PACS1: variants seen among roughly 807,000 people sequenced by gnomAD.
PACS1 encodes the protein PACS-1.
Under a neutral mutation model 115.0 loss-of-function variants are expected in PACS1, and 24 were observed. The ratio of observed to expected loss-of-function variants is 0.21; its 90% CI spans 0.15 to 0.29. The LOEUF is 0.29. PACS1 is among the 10% of genes least tolerant of loss of function. The pLI is 1.00. For synonymous variants in PACS1, 453 were observed against 504.5 expected, an observed-to-expected ratio of 0.90 and a Z score of 1.37; for missense variants, 838 against 1,251.2, an observed-to-expected ratio of 0.67 and a Z score of 4.98.
At chr11:66,229,010 A>G (rs1855524357) in intron 11 of PACS1, among the ~76,000 whole-genome samples, 1 of 151,858 alleles carries the variant, frequency 6.6e-6, no homozygotes, top group Admixed American at 6.6e-5. Flanking sequence ...GGGCCCAGGG[A>G]GGAGGCACGG....
Position 66,070,936 on chromosome 11 carries a change from T to C in PACS1, c.356+94T>C, listed in dbSNP as rs1332612000. 1.3e-5 allele frequency: 16 copies of C among 1,208,472 alleles called. No homozygotes were observed. The highest frequency in any genetic ancestry group is 1.7e-5 in the Non-Finnish European group (16 of 933,898). The allele number at this position is 1,208,472 out of a possible 1,614,324, so 74.9% of individuals were successfully genotyped here. A position where few individuals can be genotyped will look rare whatever the true frequency, so the allele number is the denominator to read the frequency against. The stretch of plus-strand genomic sequence containing the variant: ...CCCAGCGCCCATGGGGTCCCCGCCC[T>C]CCATCTCCCCGACTGTCCCGCGGCC... On this transcript the variant is annotated intron_variant, in intron 1 of 23. Coordinates refer to ENST00000320580, the MANE Select transcript of PACS1 (RefSeq NM_018026.4). The surrounding 1 kb of genome is among the most constrained non-coding windows in gnomAD (Gnocchi z 5.9).
intron 1 of PACS1, chr11:66,121,154 A>AT: frequency 9.1e-6 from 4 of 440,586 alleles, no homozygotes; most frequent in Non-Finnish European, 1.8e-5. Context: ...AGTATTTAAA[A>AT]TTTTTTTATT....
At chr11:66,112,864 C>T (rs1858219852) in intron 1 of PACS1, among the ~76,000 whole-genome samples, 1 of 152,174 alleles carries the variant, frequency 6.6e-6, no homozygotes, top group South Asian at 2.1e-4. Context: ...TAAACTGTGG[C>T]TATGATTTGG....
chr11:66,230,160 A>C (rs1457851972), intron 11 of PACS1, among the ~76,000 whole-genome samples: 5 of 151,608 alleles, frequency 3.3e-5, no homozygotes, highest in Non-Finnish European at 7.4e-5. Flanking sequence ...AAAAGAAAAA[A>C]AAAAAAGGAA....
chr11:66,218,860 A>G (rs1046617478), intron 7 of PACS1, among the ~76,000 whole-genome samples: 1 of 84,570 alleles, frequency 1.2e-5, no homozygotes, highest in African/African-American at 3.1e-5. Flanking sequence ...CTCCATCTCT[A>G]AAAAAAAAAA....
intron 1 of PACS1, among the ~76,000 whole-genome samples, chr11:66,149,090 C>CTTTTTT (rs10717909): frequency 1.0e-5 from 1 of 98,136 alleles, no homozygotes; most frequent in Non-Finnish European, 2.0e-5. Flanking sequence ...TGCACACGCA[C>CTTTTTT]TTTTTTTTTT....
chr11:66,113,171 G>A (rs1858225213), intron 1 of PACS1, among the ~76,000 whole-genome samples: 1 of 152,154 alleles, frequency 6.6e-6, no homozygotes, highest in Admixed American at 6.5e-5. Context: ...AATTAAATCA[G>A]TCCACTTTAT....
At chr11:66,215,304 T>C (rs564219908) in intron 4 of PACS1, among the ~76,000 whole-genome samples, 1 of 151,766 alleles carries the variant, frequency 6.6e-6, no homozygotes, top group Non-Finnish European at 1.5e-5. Flanking sequence ...GGGGATAATT[T>C]TAAAGTTAAG....
chr11:66,237,907 C>T (rs1028300453), intron 19 of PACS1, among the ~76,000 whole-genome samples: 3 of 152,146 alleles, frequency 2.0e-5, no homozygotes, highest in Admixed American at 6.5e-5. Context: ...GCCTTGCTGT[C>T]GCGGCAGCCT....
intron 1 of PACS1, among the ~76,000 whole-genome samples, chr11:66,103,716 G>A (rs533051750): frequency 6.6e-6 from 1 of 152,088 alleles, no homozygotes; most frequent in East Asian, 1.9e-4. Flanking sequence ...GTTTCACCAT[G>A]TTGGCCAGGC....
Position 66,070,825 on chromosome 11 carries a change from G to T in PACS1, c.339G>T (p.Ser113=), listed in dbSNP as rs1165350390. Residue 113 remains serine, a synonymous_variant, in exon 1 of 24, where the codon TCG becomes TCT. Coordinates refer to ENST00000320580, the MANE Select transcript of PACS1 (RefSeq NM_018026.4). This position sits in a 1 kb window ranked among gnomAD's most constrained non-coding sequence, Gnocchi z 5.9. ...LYATWEVDRS[S]SSCVPRLFSL... ...CCACCTGGGAGGTGGACCGGAGCTC[G>T]TCCAGCTGCGTGCCTAGGTGAGCGC... The T allele has an allele frequency of 1.3e-6, 2 of 1,493,812 alleles. No individual in the cohort carries two copies. Among genetic ancestry groups the T allele is most frequent in the Admixed American group, 4.4e-5 (2 of 45,626 alleles). The allele number at this position is 1,493,812 out of a possible 1,614,324, so 92.5% of individuals were successfully genotyped here.
rs1039802104 is a variant in PACS1, at chr11:66,156,621, G to A, written c.357-36865G>A. Among the ~76,000 whole-genome samples the A allele has an allele frequency of 5.3e-5, 8 of 152,144 alleles. No individual in the cohort carries two copies. The South Asian group carries it at 1.2e-3, about 24-fold the overall frequency. On this transcript the variant is annotated intron_variant, in intron 1 of 23. Transcript: ENST00000320580. ...TGTAATCCCAGCACTTTGGGAGGCC[G>A]AGGCAGGCGGATCACAAGGTCAGGA...
intron 1 of PACS1, among the ~76,000 whole-genome samples, chr11:66,116,940 AATAAG>A (rs1858319876): frequency 6.6e-6 from 1 of 152,036 alleles, no homozygotes; most frequent in Non-Finnish European, 1.5e-5. Flanking sequence ...ACATATACTA[AATAAG>A]ATAACACAAA....
chr11:66,098,608 A>G (rs905612418), intron 1 of PACS1, among the ~76,000 whole-genome samples: 13 of 152,170 alleles, frequency 8.5e-5, no homozygotes, highest in Admixed American at 2.0e-4. Context: ...ATAAAACCCT[A>G]TTGTCCAATC....
chr11:66,157,081 A>G (rs1565127730), intron 1 of PACS1, among the ~76,000 whole-genome samples: 1 of 152,122 alleles, frequency 6.6e-6, no homozygotes. Flanking sequence ...ATTACGTAGG[A>G]TGGTACATGT....
At chr11:66,148,283 T>G (rs1263417701) in intron 1 of PACS1, among the ~76,000 whole-genome samples, 1 of 152,146 alleles carries the variant, frequency 6.6e-6, no homozygotes, top group Non-Finnish European at 1.5e-5. Flanking sequence ...GCTTCCCAGG[T>G]AGCTGGGACT....
intron 1 of PACS1, among the ~76,000 whole-genome samples, chr11:66,135,068 A>C (rs1423883271): frequency 6.6e-6 from 1 of 151,966 alleles, no homozygotes; most frequent in Non-Finnish European, 1.5e-5. Flanking sequence ...AAAATTAGCC[A>C]GGTGTGGTGC....
At chr11:66,239,049 G>A (rs1855758464) in intron 20 of PACS1, 93 bp from the exon 21 acceptor site, 1 of 1,578,308 alleles carries the variant, frequency 6.3e-7, no homozygotes, top group African/African-American at 1.3e-5. Flanking sequence ...AGGAAAGCAG[G>A]CCACAGGATG....
At chr11:66,198,200 A>T (rs1006458655) in intron 2 of PACS1, among the ~76,000 whole-genome samples, 1 of 152,228 alleles carries the variant, frequency 6.6e-6, no homozygotes, top group Non-Finnish European at 1.5e-5. Context: ...GGCTTGTGCC[A>T]CCATGCCCGG....
Sources: gnomAD v4.1 joint callset for allele counts (sites outside exome capture counted in the v4.1 genomes callset) on GRCh38, gnomAD v4.1.1 for gene constraint, Gnocchi (gnomAD v3.1) non-coding constraint, MANE v1.5 for transcripts, NCBI Gene and HGNC (gene_info 2026-07-23, HGNC 2026-07-21) for gene names.